The following TMPRSS15 variants were observed in gnomAD, a reference collection of about 807,000 sequenced individuals.
TMPRSS15 encodes transmembrane serine protease 15, also known as enteropeptidase.
In TMPRSS15, 128 loss-of-function variants were observed where a neutral mutation model predicts 125.3. The observed-to-expected ratio is 1.02, with a 90% CI of 0.89 to 1.18. TMPRSS15 has a LOEUF of 1.18. TMPRSS15 is among the 50% of genes most tolerant of loss of function. The pLI, the probability that TMPRSS15 is intolerant of heterozygous loss-of-function variation, is 0.00. For missense variants in TMPRSS15, 1,283 were observed against 1,212.7 expected (o/e 1.06, Z -0.86); for synonymous variants, 446 against 423.2 (o/e 1.05, Z -0.66).
At chr21:18,341,661 C>G in intron 12 of TMPRSS15, 113 bp from the exon 13 acceptor site, 1 of 1,170,408 alleles carries the variant, frequency 8.5e-7, no homozygotes, top group Non-Finnish European at 1.3e-6. Flanking sequence ...AATATTGTCA[C>G]CTTGAACTAT....
intron 3 of TMPRSS15, among the ~76,000 whole-genome samples, chr21:18,389,474 G>A (rs2123085153): frequency 6.6e-6 from 1 of 152,094 alleles, no homozygotes; most frequent in East Asian, 1.9e-4. Context: ...TGGCCTCCTT[G>A]GTAGTTATAA....
chr21:18,274,134 T>A (rs2074592356), intron 24 of TMPRSS15, among the ~76,000 whole-genome samples: 1 of 152,212 alleles, frequency 6.6e-6, no homozygotes, highest in African/African-American at 2.4e-5. Context: ...ATGTTATTAA[T>A]TTTCAAATAT....
In TMPRSS15 at chr21:18,373,646, T is replaced by C. The variant is rs568300247; in HGVS notation, c.533-1322A>G. Reference sequence around the variant, plus strand: ...TGTGTCTTATTTTACAAGTAGCTAATAGAATTCCAAGTATTCAGCATTTCA... The same window carrying C: ...TGTGTCTTATTTTACAAGTAGCTAACAGAATTCCAAGTATTCAGCATTTCA... On this transcript the variant is annotated intron_variant, in intron 5 of 24. Coordinates refer to ENST00000284885, the MANE Select transcript of TMPRSS15 (RefSeq NM_002772.3). Among the ~76,000 whole-genome samples, 36 of 152,324 alleles carry C rather than the reference T, an allele frequency of 2.4e-4. 1 individual carries two copies. In the South Asian group the frequency reaches 6.6e-3, roughly 28 times the overall value.
intron 1 of TMPRSS15, among the ~76,000 whole-genome samples, chr21:18,448,454 A>G (rs2076260117): frequency 1.3e-5 from 2 of 152,192 alleles, no homozygotes; most frequent in South Asian, 4.1e-4. Context: ...TAAAGTGGAA[A>G]TAATTATAAG....
At chr21:18,271,211 ACC>A (rs2074551419) in intron 24 of TMPRSS15, among the ~76,000 whole-genome samples, 1 of 152,170 alleles carries the variant, frequency 6.6e-6, no homozygotes, top group African/African-American at 2.4e-5. Flanking sequence ...TGCATCCCAA[ACC>A]CTTAATCTGT....
chr21:18,299,384 T>C (rs897432100), intron 18 of TMPRSS15, among the ~76,000 whole-genome samples: 8 of 152,202 alleles, frequency 5.3e-5, no homozygotes, highest in Non-Finnish European at 1.0e-4. Flanking sequence ...ACACAGATGT[T>C]AGAGGACCTT....
At chr21:18,290,764 T>C (rs1046173016) in intron 21 of TMPRSS15, among the ~76,000 whole-genome samples, 1 of 152,126 alleles carries the variant, frequency 6.6e-6, no homozygotes, top group Admixed American at 6.5e-5. Flanking sequence ...GTAGGAAGTG[T>C]CCTGTTTTTA....
At chr21:18,394,185 CATCTTT>C (rs1420522900) in intron 3 of TMPRSS15, among the ~76,000 whole-genome samples, 1 of 152,094 alleles carries the variant, frequency 6.6e-6, no homozygotes, top group Non-Finnish European at 1.5e-5. Flanking sequence ...TTTATATTTT[CATCTTT>C]ATCTTTATTC....
chr21:18,326,821 TTATAA>T (rs1171181494), intron 15 of TMPRSS15, among the ~76,000 whole-genome samples: 1 of 152,242 alleles, frequency 6.6e-6, no homozygotes, highest in Non-Finnish European at 1.5e-5. Flanking sequence ...GATGAATTAC[TTATAA>T]TATATCTGAC....
At chr21:18,332,639 G>C (rs2075356462) in intron 13 of TMPRSS15, among the ~76,000 whole-genome samples, 1 of 152,146 alleles carries the variant, frequency 6.6e-6, no homozygotes, top group Admixed American at 6.6e-5. Flanking sequence ...CTTATAGACT[G>C]TTGGTGGGAA....
intron 14 of TMPRSS15, among the ~76,000 whole-genome samples, chr21:18,330,508 G>A (rs1167940581): frequency 1.3e-5 from 2 of 151,894 alleles, no homozygotes; most frequent in Non-Finnish European, 2.9e-5. Flanking sequence ...TCCTACTTTG[G>A]TATGTCAAGG....
chr21:18,439,124 A>G (rs1299996881), intron 1 of TMPRSS15, among the ~76,000 whole-genome samples: 1 of 152,214 alleles, frequency 6.6e-6, no homozygotes, highest in Non-Finnish European at 1.5e-5. Flanking sequence ...ACTGCTGGCC[A>G]TTTGAGGTTT....
chr21:18,451,611 G>A (rs1286684066), intron 1 of TMPRSS15, among the ~76,000 whole-genome samples: 1 of 152,110 alleles, frequency 6.6e-6, no homozygotes. Flanking sequence ...ATGAGCTCTG[G>A]TTTGTCTTTC....
chr21:18,270,048 T>C lies in TMPRSS15; in HGVS notation c.2981A>G (p.Lys994Arg), dbSNP rs2074535773. The change falls in exon 25 of 25, where the codon AAG becomes AGG. Residue 994 changes from lysine (K) to arginine (R), a missense_variant. Coordinates refer to ENST00000284885, the MANE Select transcript of TMPRSS15 (RefSeq NM_002772.3). The stretch of plus-strand genomic sequence containing the variant: ...TCCGGGGCGATTAGGCAGGGCACAC[T>C]TGTATCCAAATGAGGTCACACCAGC... ...FLAGVTSFGY[K>R]CALPNRPGVY... 4 of 1,614,006 alleles carry C rather than the reference T, an allele frequency of 2.5e-6. 1 individual carries two copies. The South Asian group carries it at 4.4e-5, about 18-fold the overall frequency.
chr21:18,353,153 C>G, intron 9 of TMPRSS15, 101 bp from the exon 10 acceptor site: 2 of 1,011,240 alleles, frequency 2.0e-6, no homozygotes, highest in Non-Finnish European at 3.0e-6. Context: ...ACAGCTTATA[C>G]TTCAGTGGTA....
rs1555909721 is a variant in TMPRSS15, at chr21:18,396,792, A to ATCTATCTGTCTG, written c.344+1086_344+1087insCAGACAGATAGA. On this transcript the variant is annotated intron_variant, in intron 3 of 24. Coordinates refer to ENST00000284885, the MANE Select transcript of TMPRSS15 (RefSeq NM_002772.3). ...CTGTCTCAAAAAAAAAAAAAAAAAA[A>ATCTATCTGTCTG]TCTGTCTGTCTGTCTGTCTATCTAT... is the stretch of plus-strand genomic sequence containing the variant. Among the ~76,000 whole-genome samples, 30 of 112,794 alleles carry ATCTATCTGTCTG rather than the reference A, an allele frequency of 2.7e-4. 1 individual carries two copies. The highest frequency in any genetic ancestry group is 1.0e-3 in the African/African-American group (30 of 29,276). 74.0% of individuals were successfully genotyped at this position (112,794 alleles called of 152,430 possible). A position where few individuals can be genotyped will look rare whatever the true frequency, so the allele number is the denominator to read the frequency against.
At chr21:18,457,752 T>A (rs1437561305) in intron 1 of TMPRSS15, among the ~76,000 whole-genome samples, 2 of 152,162 alleles carry the variant, frequency 1.3e-5, no homozygotes, top group African/African-American at 4.8e-5. Flanking sequence ...TTCTAGGGGA[T>A]ATTTGTTGGT....
At chr21:18,365,643 T>C (rs1470554210) in intron 6 of TMPRSS15, among the ~76,000 whole-genome samples, 2 of 26,800 alleles carry the variant, frequency 7.5e-5, no homozygotes, top group East Asian at 1.4e-3. Context: ...TCTCTCTCTT[T>C]TTCCTCCCTT....
At position 18,275,205 on chromosome 21, in the gene TMPRSS15, A is replaced by AATC; in HGVS notation, c.2893_2895dup (p.Asp965dup). 6.2e-7 allele frequency: 1 copy of AATC among 1,613,976 alleles called. No individual in the cohort carries two copies. Among genetic ancestry groups the AATC allele is most frequent in the South Asian group, 1.1e-5 (1 of 91,078 alleles). On this transcript the variant is annotated inframe_insertion, in exon 24 of 25. Coordinates refer to ENST00000284885, the MANE Select transcript of TMPRSS15 (RefSeq NM_002772.3). ...CAGTTTTACATCTTTACCTGACAAG[A>AATC]ATCTATTCCTCCTTCTTCATAGCCT...
Sources: allele counts gnomAD v4.1 joint callset (sites outside exome capture counted in the v4.1 genomes callset), GRCh38; gene constraint gnomAD v4.1.1; transcripts MANE v1.5; gene names NCBI Gene and HGNC (gene_info 2026-07-23, HGNC 2026-07-21).